SECTM1: variants seen among roughly 807,000 people sequenced by gnomAD.
The protein encoded by SECTM1 is secreted and transmembrane 1.
Under a neutral mutation model 18.1 loss-of-function variants are expected in SECTM1, and 10 were observed. The ratio of observed to expected loss-of-function variants is 0.55; its 90% CI spans 0.34 to 0.94. The LOEUF is 0.94. SECTM1 is among the 40% of genes least tolerant of loss of function. The pLI is 0.02. For missense variants in SECTM1, 297 were observed against 322.6 expected (o/e 0.92, Z 0.61); for synonymous variants, 137 against 139.2 (o/e 0.98, Z 0.11).
At chr17:82,322,404 C>T (rs771959505) in intron 4 of SECTM1, 34 bp from the exon 5 acceptor site, 13 of 1,599,132 alleles carry the variant, frequency 8.1e-6, no homozygotes, top group Middle Eastern at 3.4e-4. Context: ...CTGTGTGAGC[C>T]GCGCGCCCCC....
chr17:82,322,668 G>A (rs1364358632), intron 4 of SECTM1, among the ~76,000 whole-genome samples: 1 of 152,182 alleles, frequency 6.6e-6, no homozygotes, highest in Non-Finnish European at 1.5e-5. Context: ...CTTGCAGGAA[G>A]GGCAGGGCGG....
In SECTM1 at chr17:82,321,580, C is replaced by G. The variant is rs779428840; in HGVS notation, c.*581G>C. ...GTCCACCTGACCCCCCAGCCCGAGC[C>G]GCCGCCGCCGCCTCCCAGCCCGGCC... On this transcript the variant is annotated 3_prime_UTR_variant, in exon 5 of 5. Transcript: ENST00000269389. 6.6e-6 allele frequency: 1 copy of G among 151,896 alleles called. No individual in the cohort carries two copies. Among genetic ancestry groups the G allele is most frequent in the Admixed American group, 6.6e-5 (1 of 15,158 alleles). The allele number at this position is 151,896 out of a possible 1,614,324, so 9.4% of individuals were successfully genotyped here. A position where few individuals can be genotyped will look rare whatever the true frequency, so the allele number is the denominator to read the frequency against.
rs1245185155 is a variant in SECTM1 at position 82,321,370 on chromosome 17, G to A, written c.*791C>T. The A allele has an allele frequency of 6.6e-6, 1 of 152,266 alleles. No homozygotes were observed. The highest frequency in any genetic ancestry group is 6.5e-5 in the Admixed American group (1 of 15,292). 9.4% of individuals were successfully genotyped at this position (152,266 alleles called of 1,614,324 possible). On this transcript the variant is annotated 3_prime_UTR_variant, in exon 5 of 5. Transcript: ENST00000269389. ...ATGGAACTTTTTCAAAGAACTGAAG[G>A]GGGATTCCCGGTGATTTTTCCACCC...
At chr17:82,322,670 G>T (rs1417479064) in intron 4 of SECTM1, among the ~76,000 whole-genome samples, 1 of 152,106 alleles carries the variant, frequency 6.6e-6, no homozygotes, top group Non-Finnish European at 1.5e-5. Flanking sequence ...TGCAGGAAGG[G>T]CAGGGCGGGT....
Position 82,322,988 on chromosome 17 carries a change from CG to C in SECTM1, c.426del (p.Asp143ThrfsTer43), listed in dbSNP as rs1567842907. On this transcript the variant is annotated frameshift_variant, in exon 4 of 5. Transcript: ENST00000269389. LOFTEE classifies it high-confidence loss of function. ...EVSGAEPQSA[P>X]DTGFWPVPAV... ...GCTGGCACAGGCCAGAACCCAGTGT[CG>C]GGGGCGGACTGGGGTTCTGCACCTG... 1.2e-6 allele frequency: 2 copies of C among 1,613,294 alleles called. No homozygotes were observed. Among genetic ancestry groups the C allele is most frequent in the Non-Finnish European group, 8.5e-7 (1 of 1,179,728 alleles).
chr17:82,326,901 A>G lies in SECTM1; in HGVS notation c.94+246T>C, dbSNP rs180963920. ...ACCACCAGGTACCACAGCGGGCACCACCGCCCTCCACCCACGGCGGGACAC... is the reference window on the plus strand; with the variant it reads ...ACCACCAGGTACCACAGCGGGCACCGCCGCCCTCCACCCACGGCGGGACAC... On this transcript the variant is annotated intron_variant, in intron 2 of 4. Transcript: ENST00000269389. This position sits in a 1 kb window ranked among gnomAD's most constrained non-coding sequence, Gnocchi z 4.3. Among the ~76,000 whole-genome samples the G allele has an allele frequency of 4.2e-3, 645 of 152,038 alleles. 15 individuals are homozygous for G. Among genetic ancestry groups the G allele is most frequent in the African/African-American group, 0.015 (620 of 41,470 alleles).
chr17:82,325,114 G>A lies in SECTM1; in HGVS notation c.95-224C>T, dbSNP rs2052134982. 6.6e-6 allele frequency among the ~76,000 whole-genome samples: 1 copy of A among 152,314 alleles called. No individual in the cohort carries two copies. The stretch of plus-strand genomic sequence containing the variant: ...TCTGTGTGTGTGTATGTGTGTGTGT[G>A]TGCGTGCTCACACCCACGTCTGTTC... On this transcript the variant is annotated intron_variant, in intron 2 of 4. Coordinates refer to ENST00000269389, the MANE Select transcript of SECTM1 (RefSeq NM_003004.3). This position sits in a 1 kb window ranked among gnomAD's most constrained non-coding sequence, Gnocchi z 7.6.
At chr17:82,324,332 G>A (rs944114444) in intron 3 of SECTM1, among the ~76,000 whole-genome samples, 2 of 151,978 alleles carry the variant, frequency 1.3e-5, no homozygotes, top group Middle Eastern at 3.2e-3. Context: ...CCACCCCACT[G>A]TGGGGTCTGT....
intron 2 of SECTM1, 39 bp from the exon 3 acceptor site, chr17:82,324,929 G>A (rs1276321797): frequency 1.3e-6 from 2 of 1,571,774 alleles, no homozygotes; most frequent in African/African-American, 1.3e-5. Flanking sequence ...ATCAGGGCTG[G>A]ACCTCAGGGC....
rs1567846761 is a variant in SECTM1 at position 82,333,723 on chromosome 17, C to T, written c.-76G>A. ...ACCGGGTCCGCTCCTGGACGCGCTC[C>T]TCTGGGATGCAGCTTCTCCGCGCCC... On this transcript the variant is annotated 5_prime_UTR_variant, in exon 1 of 5. Transcript: ENST00000269389. The T allele has an allele frequency of 6.8e-6, 1 of 146,252 alleles. No homozygotes were observed. Among genetic ancestry groups the T allele is most frequent in the Non-Finnish European group, 1.5e-5 (1 of 65,194 alleles). The allele number at this position is 146,252 out of a possible 1,614,324, so 9.1% of individuals were successfully genotyped here.
At chr17:82,332,259 G>T (rs766178515) in intron 1 of SECTM1, among the ~76,000 whole-genome samples, 1 of 152,242 alleles carries the variant, frequency 6.6e-6, no homozygotes, top group Non-Finnish European at 1.5e-5. Flanking sequence ...ACCAGACACG[G>T]CAGGGTCTGA....
chr17:82,321,557 C>A lies in SECTM1; in HGVS notation c.*604G>T. On this transcript the variant is annotated 3_prime_UTR_variant, in exon 5 of 5. Transcript: ENST00000269389. The stretch of plus-strand genomic sequence containing the variant: ...CGCGTCCAGCCCCGGAGGGCGGCGT[C>A]CACCTGACCCCCCAGCCCGAGCCGC... The A allele has an allele frequency of 6.5e-6, 1 of 153,368 alleles. No homozygotes were observed. The highest frequency in any genetic ancestry group is 1.8e-4 in the South Asian group (1 of 5,522). The allele number at this position is 153,368 out of a possible 1,614,324, so 9.5% of individuals were successfully genotyped here. A position where few individuals can be genotyped will look rare whatever the true frequency, so the allele number is the denominator to read the frequency against.
At chr17:82,323,119 A>G in intron 3 of SECTM1, 108 bp from the exon 4 acceptor site, 1 of 1,323,684 alleles carries the variant, frequency 7.6e-7, no homozygotes, top group Non-Finnish European at 1.0e-6. Flanking sequence ...TGGGGTGAGA[A>G]TGAGCCTTGG....
intron 3 of SECTM1, 81 bp downstream of exon 3, chr17:82,324,501 C>T (rs559660841): frequency 8.6e-7 from 1 of 1,161,272 alleles, no homozygotes. Flanking sequence ...TCAGTCTCAG[C>T]CCTCCCCCTG....
At position 82,325,802 on chromosome 17, in the gene SECTM1, C is replaced by T. The variant is rs931508658; in HGVS notation, c.95-912G>A. On this transcript the variant is annotated intron_variant, in intron 2 of 4. Transcript: ENST00000269389. This position sits in a 1 kb window ranked among gnomAD's most constrained non-coding sequence, Gnocchi z 7.6. The stretch of plus-strand genomic sequence containing the variant: ...GTCAGCGTCCACCAGTGACTGGACA[C>T]GGACGGATGGACGGACAGACGGACG... Among the ~76,000 whole-genome samples, 4 of 152,190 alleles carry T rather than the reference C, an allele frequency of 2.6e-5. No individual in the cohort carries two copies. Among genetic ancestry groups the T allele is most frequent in the South Asian group, 2.1e-4 (1 of 4,824 alleles).
In SECTM1 at chr17:82,322,900, C is replaced by T. The variant is rs145970176; in HGVS notation, c.515G>A (p.Arg172His). Residue 172 changes from arginine (R) to histidine (H), a missense_variant, in exon 4 of 5, where the codon CGC (arginine) becomes CAC (histidine). Coordinates refer to ENST00000269389, the MANE Select transcript of SECTM1 (RefSeq NM_003004.3). ...ALVMFAWYRC[R>H]CSQQRREKKF... ...TACCTCCCGGCGTTGCTGGGAACAG[C>T]GGCACCTGTACCAGGCGAACATGAC... 21 of 1,613,804 alleles carry T rather than the reference C, an allele frequency of 1.3e-5. No individual in the cohort carries two copies. Among genetic ancestry groups the T allele is most frequent in the East Asian group, 6.7e-5 (3 of 44,880 alleles).
intron 1 of SECTM1, among the ~76,000 whole-genome samples, chr17:82,332,344 C>CTGCG (rs200424502): frequency 3.3e-5 from 5 of 152,052 alleles, no homozygotes; most frequent in African/African-American, 9.7e-5. Context: ...CACGCACCGC[C>CTGCG]CAGCACGCCT....
rs1408651439 is a variant in SECTM1, at chr17:82,325,118, G to A, written c.95-228C>T. ...TGTGTGTGTATGTGTGTGTGTGTGC[G>A]TGCTCACACCCACGTCTGTTCCTTG... On this transcript the variant is annotated intron_variant, in intron 2 of 4. Coordinates refer to ENST00000269389, the MANE Select transcript of SECTM1 (RefSeq NM_003004.3). The surrounding 1 kb of genome is among the most constrained non-coding windows in gnomAD (Gnocchi z 7.6). Among the ~76,000 whole-genome samples the A allele has an allele frequency of 3.9e-5, 6 of 152,170 alleles. No individual in the cohort carries two copies. Among genetic ancestry groups the A allele is most frequent in the Admixed American group, 6.5e-5 (1 of 15,282 alleles).
At position 82,326,441 on chromosome 17, in the gene SECTM1, A is replaced by C. The variant is rs946255461; in HGVS notation, c.94+706T>G. On this transcript the variant is annotated intron_variant, in intron 2 of 4. Transcript: ENST00000269389. This position sits in a 1 kb window ranked among gnomAD's most constrained non-coding sequence, Gnocchi z 4.3. Reference sequence around the variant, plus strand: ...ATGGCAAAACCCCATCTCTACAAAAAATACACAATTTAGCCAGGTATGGTG... The same window carrying C: ...ATGGCAAAACCCCATCTCTACAAAACATACACAATTTAGCCAGGTATGGTG... Among the ~76,000 whole-genome samples, 3 of 151,762 alleles carry C rather than the reference A, an allele frequency of 2.0e-5. No homozygotes were observed.
Sources: gnomAD v4.1 joint callset for allele counts (sites outside exome capture counted in the v4.1 genomes callset) on GRCh38, gnomAD v4.1.1 for gene constraint, Gnocchi (gnomAD v3.1) non-coding constraint, MANE v1.5 for transcripts, NCBI Gene and HGNC (gene_info 2026-07-23, HGNC 2026-07-21) for gene names.